DPP6: variants seen among roughly 807,000 people sequenced by gnomAD.
The protein encoded by DPP6 is dipeptidyl peptidase like 6.
A neutral mutation model predicts 122.6 loss-of-function variants in DPP6; 69 were observed. That is an observed-to-expected ratio of 0.56 (90% confidence interval 0.46 to 0.69). The LOEUF (loss-of-function observed/expected upper bound fraction) is 0.69. DPP6 is among the 30% of genes least tolerant of loss of function. The pLI is 0.00. For synonymous variants in DPP6, 418 were observed against 433.1 expected, an observed-to-expected ratio of 0.97 and a Z score of 0.43; for missense variants, 928 against 1,116.9, an observed-to-expected ratio of 0.83 and a Z score of 2.41.
At chr7:154,779,081 T>A (rs1422628924) in intron 10 of DPP6, among the ~76,000 whole-genome samples, 2 of 11,868 alleles carry the variant, frequency 1.7e-4, no homozygotes, top group Admixed American at 1.0e-3. Flanking sequence ...CTCCATCACC[T>A]CCACAACCTC....
At chr7:154,196,972 C>T (rs746271585) in intron 1 of DPP6, among the ~76,000 whole-genome samples, 33 of 152,060 alleles carry the variant, frequency 2.2e-4, no homozygotes, top group Non-Finnish European at 4.0e-4. Context: ...TAAAATCTCC[C>T]TTCTCCTCTT....
At chr7:154,058,079 G>A (rs1801027811) in intron 1 of DPP6, 1 of 96,788 alleles carries the variant, frequency 1.0e-5, no homozygotes, top group South Asian at 4.3e-4. Flanking sequence ...CCCATTGCGG[G>A]TGGAGGGAGG....
At chr7:154,017,301 C>T (rs11765298) in intron 1 of DPP6, among the ~76,000 whole-genome samples, 2 of 152,246 alleles carry the variant, frequency 1.3e-5, no homozygotes, top group Middle Eastern at 3.4e-3. Context: ...CTCCTGGGTT[C>T]TAAGTGATTG....
At chr7:154,008,658 CTT>C (rs57634994) in intron 1 of DPP6, among the ~76,000 whole-genome samples, 511 of 101,434 alleles carry the variant, frequency 5.0e-3, no homozygotes, top group East Asian at 0.026. Context: ...TATTTCTTTT[CTT>C]TTTTTTTTTT....
At chr7:154,415,908 C>T (rs1376809044) in intron 1 of DPP6, among the ~76,000 whole-genome samples, 8 of 151,636 alleles carry the variant, frequency 5.3e-5, no homozygotes, top group African/African-American at 1.9e-4. Context: ...CCTGCAGCTT[C>T]TCACCCTCCC....
chr7:154,273,113 A>G (rs1803902476), intron 1 of DPP6, among the ~76,000 whole-genome samples: 1 of 152,216 alleles, frequency 6.6e-6, no homozygotes, highest in South Asian at 2.1e-4. Context: ...CACCATGAAT[A>G]CAGCTGCTGC....
At chr7:154,313,322 G>A (rs1223059543) in intron 1 of DPP6, among the ~76,000 whole-genome samples, 1 of 152,122 alleles carries the variant, frequency 6.6e-6, no homozygotes, top group Non-Finnish European at 1.5e-5. Flanking sequence ...GTGGAATGTG[G>A]CTGCAGGGGC....
the DPP6 span, among the ~76,000 whole-genome samples, chr7:153,771,699 A>G: frequency 6.6e-6 from 1 of 152,182 alleles, no homozygotes; most frequent in Admixed American, 6.5e-5. Flanking sequence ...AATTTTATAC[A>G]GAGGGAAAAT....
chr7:154,465,685 A>T (rs1011768719), intron 2 of DPP6, among the ~76,000 whole-genome samples: 2 of 152,236 alleles, frequency 1.3e-5, no homozygotes, highest in Non-Finnish European at 2.9e-5. Context: ...TAGAATGATG[A>T]TTATTAAAAA....
intron 5 of DPP6, among the ~76,000 whole-genome samples, chr7:154,597,708 G>A (rs535964538): frequency 3.2e-4 from 49 of 152,276 alleles, no homozygotes; most frequent in African/African-American, 1.2e-3. Flanking sequence ...ATTGTCTCAC[G>A]GTTCTGGAGG....
intron 1 of DPP6, among the ~76,000 whole-genome samples, chr7:154,110,364 A>G (rs1806483867): frequency 6.6e-6 from 1 of 152,190 alleles, no homozygotes; most frequent in African/African-American, 2.4e-5. Context: ...TACATGAAAC[A>G]GAAAACACTA....
At chr7:153,760,129 GATT>G in the DPP6 span, among the ~76,000 whole-genome samples, 2 of 152,054 alleles carry the variant, frequency 1.3e-5, no homozygotes, top group African/African-American at 2.4e-5. Context: ...TTTTATTTTG[GATT>G]ATTTTTATTC....
chr7:154,433,138 T>TTTG (rs1818570435), intron 1 of DPP6, among the ~76,000 whole-genome samples: 1 of 22,974 alleles, frequency 4.4e-5, no homozygotes, highest in Non-Finnish European at 9.9e-5. Flanking sequence ...GACTGCAAGT[T>TTTG]TTTTTTTTTT....
chr7:154,622,509 C>T (rs143712803), intron 5 of DPP6, among the ~76,000 whole-genome samples: 367 of 152,258 alleles, frequency 2.4e-3, no homozygotes, highest in African/African-American at 7.1e-3. Flanking sequence ...AGAATTACTC[C>T]GGAAGTCCTG....
At chr7:154,724,250 C>T (rs969039607) in intron 7 of DPP6, among the ~76,000 whole-genome samples, 3 of 152,094 alleles carry the variant, frequency 2.0e-5, no homozygotes, top group South Asian at 2.1e-4. Context: ...AGAGAGGGGG[C>T]GACTTGCCCA....
intron 1 of DPP6, among the ~76,000 whole-genome samples, chr7:154,320,561 G>A (rs572019166): frequency 6.6e-6 from 1 of 152,192 alleles, no homozygotes; most frequent in South Asian, 2.1e-4. Context: ...TCGGCTCACA[G>A]CAACCCCTGC....
At chr7:153,775,881 G>A in the DPP6 span, among the ~76,000 whole-genome samples, 1 of 152,122 alleles carries the variant, frequency 6.6e-6, no homozygotes, top group Non-Finnish European at 1.5e-5. Context: ...TACAGGATCT[G>A]TATGCTGAAA....
chr7:154,344,576 AC>A (rs1486796054), intron 1 of DPP6, among the ~76,000 whole-genome samples: 1 of 152,162 alleles, frequency 6.6e-6, no homozygotes, highest in Non-Finnish European at 1.5e-5. Context: ...TACCAGCTGT[AC>A]CAGCCTGCGA....
chr7:154,677,524 A>C (rs188173598), intron 7 of DPP6, among the ~76,000 whole-genome samples: 6 of 152,382 alleles, frequency 3.9e-5, no homozygotes, highest in Non-Finnish European at 7.3e-5. Context: ...AACCTAAGAT[A>C]TGGAGGAAGA....
Sources: allele counts gnomAD v4.1 joint callset (sites outside exome capture counted in the v4.1 genomes callset), GRCh38; gene constraint gnomAD v4.1.1; transcripts MANE v1.5; gene names NCBI Gene and HGNC (gene_info 2026-07-23, HGNC 2026-07-21).